The following CADPS2 variants were observed in gnomAD, a reference collection of about 807,000 sequenced individuals.
CADPS2 encodes the protein calcium-dependent secretion activator 2.
CADPS2 carries 93 observed loss-of-function variants against 172.5 expected under a neutral mutation model. The ratio of observed to expected loss-of-function variants is 0.54; its 90% CI spans 0.46 to 0.64. The LOEUF (loss-of-function observed/expected upper bound fraction) is 0.64. Among genes scored for constraint, CADPS2 ranks in the 30% least tolerant of loss-of-function variants. The probability of loss-of-function intolerance (pLI) is 0.00; values close to 1 mark genes in which losing one functional copy is unlikely to be tolerated. For missense variants in CADPS2, 1,420 were observed against 1,565.9 expected (o/e 0.91, Z 1.57); for synonymous variants, 546 against 555.2 (o/e 0.98, Z 0.23).
chr7:122,719,503 AAGAG>A (rs141748547), intron 2 of CADPS2, among the ~76,000 whole-genome samples: 1 of 152,108 alleles, frequency 6.6e-6, no homozygotes, highest in Non-Finnish European at 1.5e-5. Flanking sequence ...GCTGGGCAGA[AAGAG>A]AGAGAGAAAA....
At chr7:122,793,181 G>T (rs576164461) in intron 1 of CADPS2, among the ~76,000 whole-genome samples, 1 of 151,928 alleles carries the variant, frequency 6.6e-6, no homozygotes, top group Non-Finnish European at 1.5e-5. Flanking sequence ...CCCTATTTTT[G>T]AACATAATTC....
intron 14 of CADPS2, among the ~76,000 whole-genome samples, chr7:122,452,385 C>T (rs2053236890): frequency 6.6e-6 from 1 of 152,066 alleles, no homozygotes; most frequent in South Asian, 2.1e-4. Flanking sequence ...CATTTCCTAC[C>T]TAATTAGTTT....
intron 7 of CADPS2, among the ~76,000 whole-genome samples, chr7:122,568,021 T>C (rs1407407527): frequency 6.6e-6 from 1 of 152,162 alleles, no homozygotes; most frequent in East Asian, 1.9e-4. Flanking sequence ...CACAATTATA[T>C]GTTGCTTCAA....
intron 8 of CADPS2, among the ~76,000 whole-genome samples, chr7:122,545,176 C>T (rs1201840437): frequency 3.3e-5 from 5 of 151,988 alleles, no homozygotes; most frequent in Admixed American, 2.0e-4. Context: ...GCATCTCTTT[C>T]GATTATCTTG....
intron 1 of CADPS2, among the ~76,000 whole-genome samples, chr7:122,880,831 A>G (rs1208227292): frequency 6.6e-6 from 1 of 152,232 alleles, no homozygotes; most frequent in Non-Finnish European, 1.5e-5. Flanking sequence ...TTGGACAACA[A>G]TTCCATAATC....
chr7:122,664,407 T>C (rs2080958715), intron 2 of CADPS2, among the ~76,000 whole-genome samples: 1 of 151,832 alleles, frequency 6.6e-6, no homozygotes, highest in South Asian at 2.1e-4. Flanking sequence ...TGTCCATTAC[T>C]ACTGGAAAAT....
At chr7:122,563,193 T>C (rs552664893) in intron 7 of CADPS2, among the ~76,000 whole-genome samples, 14 of 152,336 alleles carry the variant, frequency 9.2e-5, no homozygotes, top group African/African-American at 3.1e-4. Flanking sequence ...TCTGTGTTTT[T>C]AATATGTATA....
chr7:122,708,486 ATT>A (rs61409877), intron 2 of CADPS2, among the ~76,000 whole-genome samples: 346 of 105,130 alleles, frequency 3.3e-3, no homozygotes, highest in South Asian at 9.2e-3. Flanking sequence ...ATATATATAT[ATT>A]GGATATGTAG....
At chr7:122,814,008 TA>T (rs1800700639) in intron 1 of CADPS2, among the ~76,000 whole-genome samples, 1 of 151,998 alleles carries the variant, frequency 6.6e-6, no homozygotes, top group African/African-American at 2.4e-5. Context: ...TACAAGGACG[TA>T]AGGGCAAAGC....
chr7:122,450,897 T>G (rs1332776062), intron 15 of CADPS2, among the ~76,000 whole-genome samples: 1 of 152,044 alleles, frequency 6.6e-6, no homozygotes, highest in African/African-American at 2.4e-5. Context: ...TCAGAGAATG[T>G]AAGTAAAAAG....
chr7:122,705,993 T>A (rs1445321793), intron 2 of CADPS2, among the ~76,000 whole-genome samples: 14 of 82,330 alleles, frequency 1.7e-4, no homozygotes, highest in East Asian at 9.9e-4. Flanking sequence ...TATTATATAT[T>A]ATATAATATT....
chr7:122,781,341 A>G (rs1792666778), intron 1 of CADPS2, among the ~76,000 whole-genome samples: 1 of 152,192 alleles, frequency 6.6e-6, no homozygotes, highest in African/African-American at 2.4e-5. Flanking sequence ...TAGCCTATTG[A>G]ACTTGTTTAT....
intron 24 of CADPS2, among the ~76,000 whole-genome samples, chr7:122,385,660 C>A (rs770693922): frequency 1.3e-5 from 2 of 151,978 alleles, no homozygotes; most frequent in African/African-American, 2.4e-5. Flanking sequence ...TATTTTAGGA[C>A]GAACTGTTGT....
intron 1 of CADPS2, among the ~76,000 whole-genome samples, chr7:122,827,577 A>G (rs1034644347): frequency 2.0e-5 from 3 of 151,866 alleles, no homozygotes; most frequent in African/African-American, 7.3e-5. Flanking sequence ...GGTTCTGGTG[A>G]GCCAAGATCG....
chr7:122,802,033 C>T (rs1230253424), intron 1 of CADPS2, among the ~76,000 whole-genome samples: 1 of 152,080 alleles, frequency 6.6e-6, no homozygotes. Context: ...AGTATCACAG[C>T]ATGTATAAAA....
At chr7:122,668,912 T>C (rs2081471713) in intron 2 of CADPS2, among the ~76,000 whole-genome samples, 1 of 152,202 alleles carries the variant, frequency 6.6e-6, no homozygotes. Context: ...TATAACATCA[T>C]CTGACATGCA....
intron 15 of CADPS2, among the ~76,000 whole-genome samples, chr7:122,449,007 G>C (rs1292961381): frequency 6.6e-6 from 1 of 152,190 alleles, no homozygotes; most frequent in African/African-American, 2.4e-5. Flanking sequence ...ATAGCAATGT[G>C]AGAATCACAA....
At chr7:122,799,291 A>G (rs954899023) in intron 1 of CADPS2, among the ~76,000 whole-genome samples, 1 of 152,212 alleles carries the variant, frequency 6.6e-6, no homozygotes, top group East Asian at 1.9e-4. Context: ...AGACAGAAGC[A>G]TATTTTTAAG....
At chr7:122,876,000 T>C (rs935668779) in intron 1 of CADPS2, among the ~76,000 whole-genome samples, 1 of 152,000 alleles carries the variant, frequency 6.6e-6, no homozygotes, top group Non-Finnish European at 1.5e-5. Flanking sequence ...GCAGAACTTA[T>C]AAAGTTAACA....
Sources: gnomAD v4.1 joint callset for allele counts (sites outside exome capture counted in the v4.1 genomes callset) on GRCh38, gnomAD v4.1.1 for gene constraint, MANE v1.5 for transcripts, NCBI Gene and HGNC (gene_info 2026-07-23, HGNC 2026-07-21) for gene names.